MYT1L: variants seen among roughly 807,000 people sequenced by gnomAD.
MYT1L encodes the protein myelin transcription factor 1-like protein.
In MYT1L, 12 loss-of-function variants were observed where a neutral mutation model predicts 126.7. The ratio of observed to expected loss-of-function variants is 0.09; its 90% CI spans 0.06 to 0.15. The LOEUF (loss-of-function observed/expected upper bound fraction) is 0.15. Ranked by LOEUF, MYT1L falls within the 10% of genes least tolerant of loss-of-function variation. The pLI, the probability that MYT1L is intolerant of heterozygous loss-of-function variation, is 1.00. For synonymous variants in MYT1L, 541 were observed against 604.2 expected, an observed-to-expected ratio of 0.90 and a Z score of 1.53; for missense variants, 979 against 1,585.2, an observed-to-expected ratio of 0.62 and a Z score of 6.49.
intron 9 of MYT1L, among the ~76,000 whole-genome samples, chr2:1,930,625 G>A (rs2054834205): frequency 6.6e-6 from 1 of 152,188 alleles, no homozygotes; most frequent in Non-Finnish European, 1.5e-5. Flanking sequence ...GGGCTGCTGG[G>A]AGCTGTGAGT....
Position 2,306,198 on chromosome 2 carries a change from A to G in MYT1L, c.-520-21695T>C, listed in dbSNP as rs2095856150. 2 of 152,316 alleles carry G rather than the reference A, an allele frequency of 1.3e-5. 1 individual carries two copies. The highest frequency in any genetic ancestry group is 6.8e-3 in the Middle Eastern group (2 of 294). 9.4% of individuals were successfully genotyped at this position (152,316 alleles called of 1,614,324 possible). ...TGAGAAAAAGGAAGACTTCCTCTCC[A>G]GTATTTCAATTCAACTTCCACTCTC... On this transcript the variant is annotated intron_variant, in intron 1 of 24. Coordinates refer to ENST00000647738, the MANE Select transcript of MYT1L (RefSeq NM_001303052.2).
chr2:2,090,429 CAT>C (rs1480084719), intron 3 of MYT1L, among the ~76,000 whole-genome samples: 7 of 152,258 alleles, frequency 4.6e-5, no homozygotes, highest in Non-Finnish European at 1.0e-4. Flanking sequence ...TAAAAATGTA[CAT>C]ATCTTAATTT....
At chr2:2,206,203 C>T (rs2093313445) in intron 2 of MYT1L, among the ~76,000 whole-genome samples, 1 of 152,074 alleles carries the variant, frequency 6.6e-6, no homozygotes, top group African/African-American at 2.4e-5. Context: ...GTTTCGAACT[C>T]CCGATCTCAG....
chr2:2,042,025 T>C (rs1024568122), intron 4 of MYT1L, among the ~76,000 whole-genome samples: 2 of 152,184 alleles, frequency 1.3e-5, no homozygotes, highest in African/African-American at 4.8e-5. Context: ...AGACGGTAGA[T>C]AGCACAGAGT....
chr2:2,306,186 G>C (rs1559619420), intron 1 of MYT1L: 1 of 152,102 alleles, frequency 6.6e-6, no homozygotes, highest in Non-Finnish European at 1.5e-5. Flanking sequence ...GAAAAAGGAA[G>C]ACTTCCTCTC....
chr2:2,119,912 G>A (rs904645792), intron 3 of MYT1L, among the ~76,000 whole-genome samples: 2 of 151,844 alleles, frequency 1.3e-5, no homozygotes, highest in African/African-American at 4.8e-5. Flanking sequence ...TTTGGTTTGC[G>A]GAAATATGAC....
At position 1,791,993 on chromosome 2, in the gene MYT1L, T is replaced by C; in HGVS notation, c.3435A>G (p.Glu1145=). The C allele has an allele frequency of 2.5e-6, 4 of 1,601,894 alleles. No homozygotes were observed. The highest frequency in any genetic ancestry group is 3.4e-6 in the Non-Finnish European group (4 of 1,175,398). ...TAGTCACGTAAGCATCAAAATTTTGTTCATTGATTGGATCCTACGAGATAT... is the reference window on the plus strand; with the variant it reads ...TAGTCACGTAAGCATCAAAATTTTGCTCATTGATTGGATCCTACGAGATAT... ...IQLPHMDPIN[E]QNFDAYVTTL... is the part of the protein sequence containing the mutation. Residue 1145 remains glutamate (E), a synonymous_variant, in exon 25 of 25, where the codon GAA becomes GAG. Coordinates refer to ENST00000647738, the MANE Select transcript of MYT1L (RefSeq NM_001303052.2). This position sits in a 1 kb window ranked among gnomAD's most constrained non-coding sequence, Gnocchi z 6.0.
At chr2:2,308,803 A>G (rs964617875) in intron 1 of MYT1L, among the ~76,000 whole-genome samples, 1 of 151,394 alleles carries the variant, frequency 6.6e-6, no homozygotes, top group African/African-American at 2.4e-5. Context: ...TTTCACCTAC[A>G]CTTTACTATA....
At chr2:2,181,712 C>A (rs200203398) in intron 2 of MYT1L, among the ~76,000 whole-genome samples, 2 of 152,120 alleles carry the variant, frequency 1.3e-5, no homozygotes, top group Non-Finnish European at 2.9e-5. Flanking sequence ...AAACCTGCAG[C>A]CTTTTCCTTC....
At position 2,309,251 on chromosome 2, in the gene MYT1L, G is replaced by T. The variant is rs547505927; in HGVS notation, c.-521+21716C>A. The stretch of plus-strand genomic sequence containing the variant: ...CATTCTATGCCACCTAAACTTTACT[G>T]TTCTCTATCTATACTCCATCTACAC... On this transcript the variant is annotated intron_variant, in intron 1 of 24. Transcript: ENST00000647738. Among the ~76,000 whole-genome samples, 13 of 146,738 alleles carry T rather than the reference G, an allele frequency of 8.9e-5. No individual in the cohort carries two copies. The East Asian group carries it at 1.5e-3, about 17-fold the overall frequency.
chr2:2,271,107 G>T (rs1262988706), intron 2 of MYT1L, among the ~76,000 whole-genome samples: 1 of 152,206 alleles, frequency 6.6e-6, no homozygotes, highest in African/African-American at 2.4e-5. Flanking sequence ...AATCACGTCT[G>T]CAGTGAAGGG....
intron 5 of MYT1L, among the ~76,000 whole-genome samples, chr2:1,995,356 G>A (rs28507253): frequency 0.1 from 15,697 of 152,128 alleles, 1,846 homozygotes; most frequent in African/African-American, 0.29. Context: ...TCCTCACTGC[G>A]CTCTCCTGCT....
intron 8 of MYT1L, among the ~76,000 whole-genome samples, chr2:1,956,131 C>A (rs1457247998): frequency 3.3e-5 from 5 of 151,966 alleles, no homozygotes; most frequent in Non-Finnish European, 5.9e-5. Flanking sequence ...GTCTTTCTAC[C>A]TACCTATGTC....
chr2:2,294,885 C>A (rs2095648693), intron 1 of MYT1L, among the ~76,000 whole-genome samples: 1 of 152,174 alleles, frequency 6.6e-6, no homozygotes, highest in African/African-American at 2.4e-5. Flanking sequence ...CCGCAAGAAG[C>A]TAACATTCCG....
intron 3 of MYT1L, among the ~76,000 whole-genome samples, chr2:2,099,225 C>T (rs1206570320): frequency 3.3e-5 from 5 of 152,120 alleles, no homozygotes; most frequent in Non-Finnish European, 7.3e-5. Flanking sequence ...GACACATGTA[C>T]TGATTTTGTT....
intron 4 of MYT1L, among the ~76,000 whole-genome samples, chr2:1,999,778 T>G (rs1462475799): frequency 6.6e-6 from 1 of 152,212 alleles, no homozygotes. Flanking sequence ...CATTTTGCAA[T>G]CAGCTAATAT....
chr2:2,171,110 C>T (rs2089993345), intron 3 of MYT1L, among the ~76,000 whole-genome samples: 2 of 152,118 alleles, frequency 1.3e-5, no homozygotes. Context: ...ATGGCAGTCT[C>T]CAGGGCAAAG....
chr2:1,903,505 G>A (rs1392770814), intron 13 of MYT1L, among the ~76,000 whole-genome samples: 3 of 151,894 alleles, frequency 2.0e-5, no homozygotes, highest in Non-Finnish European at 2.9e-5. Flanking sequence ...AGTCAACTTC[G>A]GCAATAAAAA....
chr2:2,098,874 T>A (rs2150451830), intron 3 of MYT1L, among the ~76,000 whole-genome samples: 1 of 152,230 alleles, frequency 6.6e-6, no homozygotes, highest in East Asian at 1.9e-4. Context: ...TAAAGATAGG[T>A]GGTGGGGTCT....
Sources: allele counts gnomAD v4.1 joint callset (sites outside exome capture counted in the v4.1 genomes callset), GRCh38; gene constraint gnomAD v4.1.1; non-coding constraint Gnocchi (gnomAD v3.1); transcripts MANE v1.5; gene names NCBI Gene and HGNC (gene_info 2026-07-23, HGNC 2026-07-21).